AOAH: variants seen among roughly 807,000 people sequenced by gnomAD.
AOAH encodes the protein acyloxyacyl hydrolase, also known as acyloxyacyl hydrolase (neutrophil).
A neutral mutation model predicts 92.2 loss-of-function variants in AOAH; 64 were observed. That is an observed-to-expected ratio of 0.69 (90% confidence interval 0.57 to 0.86). The LOEUF is 0.86. Among genes scored for constraint, AOAH ranks in the 40% least tolerant of loss-of-function variants. The probability of loss-of-function intolerance (pLI) is 0.00; values close to 1 mark genes in which losing one functional copy is unlikely to be tolerated. For synonymous variants in AOAH, 263 were observed against 254.5 expected (o/e 1.03, Z -0.32); for missense variants, 656 against 694.6 (o/e 0.94, Z 0.62).
At chr7:36,704,245 G>A (rs998101210) in intron 1 of AOAH, among the ~76,000 whole-genome samples, 2 of 151,992 alleles carry the variant, frequency 1.3e-5, no homozygotes, top group Admixed American at 6.6e-5. Context: ...GTAGATTCTG[G>A]ATGTTAGCCT....
Position 36,517,940 on chromosome 7 carries a change from CACACCCACACACACA to C in AOAH, c.1599+4084_1599+4098del, listed in dbSNP as rs1783898731. 3.9e-4 allele frequency among the ~76,000 whole-genome samples: 25 copies of C among 64,908 alleles called. 1 individual carries two copies. Among genetic ancestry groups the C allele is most frequent in the Admixed American group, 2.7e-3 (20 of 7,422 alleles). The allele number at this position is 64,908 out of a possible 152,430, so 42.6% of individuals were successfully genotyped here. A position where few individuals can be genotyped will look rare whatever the true frequency, so the allele number is the denominator to read the frequency against. ...GAACACACACACACACCCACACACA[CACACCCACACACACA>C]CACACACACACACACGCACACACAC... is the stretch of plus-strand genomic sequence containing the variant. On this transcript the variant is annotated intron_variant, in intron 20 of 20. Coordinates refer to ENST00000617537, the MANE Select transcript of AOAH (RefSeq NM_001637.4).
intron 2 of AOAH, among the ~76,000 whole-genome samples, chr7:36,683,851 G>T (rs1037169681): frequency 6.6e-6 from 1 of 152,050 alleles, no homozygotes; most frequent in African/African-American, 2.4e-5. Context: ...CAAATTAGCC[G>T]GGTGCGGTGG....
intron 1 of AOAH, 42 bp from the exon 2 acceptor site, chr7:36,686,836 A>T: frequency 7.5e-7 from 1 of 1,337,508 alleles, no homozygotes; most frequent in Non-Finnish European, 1.0e-6. Flanking sequence ...GTCACACAGA[A>T]AACTGAACTG....
intron 13 of AOAH, among the ~76,000 whole-genome samples, chr7:36,569,861 C>T (rs1788009793): frequency 6.6e-6 from 1 of 152,174 alleles, no homozygotes; most frequent in Non-Finnish European, 1.5e-5. Context: ...AATCCACCCA[C>T]CTTGGCCTCC....
At chr7:36,563,147 CAAAAAAAAAAAAAAAAAAAAA>C (rs60240330) in intron 13 of AOAH, among the ~76,000 whole-genome samples, 3 of 36,062 alleles carry the variant, frequency 8.3e-5, no homozygotes, top group Non-Finnish European at 1.1e-4. Flanking sequence ...AACTCCGTCT[CAAAAAAAAAAAAAAAAAAAAA>C]AAAAAAAAAA....
chr7:36,600,655 C>T (rs1014269936), intron 11 of AOAH, among the ~76,000 whole-genome samples: 6 of 151,538 alleles, frequency 4.0e-5, no homozygotes, highest in Non-Finnish European at 7.4e-5. Flanking sequence ...TAGAGCAGGC[C>T]GGGTCAGCAC....
chr7:36,633,590 G>A (rs943505355), intron 5 of AOAH, among the ~76,000 whole-genome samples: 1 of 152,158 alleles, frequency 6.6e-6, no homozygotes, highest in South Asian at 2.1e-4. Context: ...CACCTGGAGG[G>A]AGAATCGGAA....
chr7:36,529,143 G>A (rs1784551230), intron 19 of AOAH, among the ~76,000 whole-genome samples: 1 of 152,056 alleles, frequency 6.6e-6, no homozygotes. Flanking sequence ...CCCATTTCCA[G>A]GGCTGGAAAG....
intron 13 of AOAH, among the ~76,000 whole-genome samples, chr7:36,555,061 C>A (rs1786595019): frequency 6.9e-6 from 1 of 145,660 alleles, no homozygotes; most frequent in South Asian, 2.3e-4. Context: ...CTGTCTTGTG[C>A]CAGTTTTCAA....
chr7:36,569,215 G>A (rs987273294), intron 13 of AOAH, among the ~76,000 whole-genome samples: 2 of 152,092 alleles, frequency 1.3e-5, no homozygotes, highest in African/African-American at 4.8e-5. Flanking sequence ...AAAGAGGTGT[G>A]TATATAAAGG....
chr7:36,606,739 G>GT (rs1791032822), intron 11 of AOAH, among the ~76,000 whole-genome samples: 1 of 151,968 alleles, frequency 6.6e-6, no homozygotes, highest in African/African-American at 2.4e-5. Context: ...AGCAGAGATT[G>GT]TTTTTTCCCT....
chr7:36,631,751 G>A lies in AOAH; in HGVS notation c.521+285C>T, dbSNP rs767911892. 4.6e-5 allele frequency among the ~76,000 whole-genome samples: 7 copies of A among 152,128 alleles called. 1 individual carries two copies. Among genetic ancestry groups the A allele is most frequent in the East Asian group, 1.9e-4 (1 of 5,176 alleles). The stretch of plus-strand genomic sequence containing the variant: ...CCAGGTGTAGTGCAGTGGGCACCTC[G>A]CTGGCAGGCACTTGCCGGCAGTGAG... On this transcript the variant is annotated intron_variant, in intron 6 of 20. Transcript: ENST00000617537.
chr7:36,593,066 G>A (rs552406632), intron 12 of AOAH, among the ~76,000 whole-genome samples: 40 of 152,292 alleles, frequency 2.6e-4, no homozygotes, highest in African/African-American at 8.9e-4. Flanking sequence ...CAAAGGAAGT[G>A]ACTGTTGATC....
At chr7:36,688,724 C>T (rs1175187802) in intron 1 of AOAH, among the ~76,000 whole-genome samples, 1 of 151,852 alleles carries the variant, frequency 6.6e-6, no homozygotes, top group African/African-American at 2.4e-5. Flanking sequence ...GGGGTCTTAC[C>T]ATCTCTAACT....
chr7:36,589,380 C>T (rs567994834), intron 12 of AOAH, among the ~76,000 whole-genome samples: 6 of 152,316 alleles, frequency 3.9e-5, no homozygotes, highest in South Asian at 2.1e-4. Context: ...ATACCATAGG[C>T]TCTATACCCT....
intron 2 of AOAH, among the ~76,000 whole-genome samples, chr7:36,674,247 C>T (rs1482975898): frequency 6.6e-6 from 1 of 152,180 alleles, no homozygotes; most frequent in Non-Finnish European, 1.5e-5. Flanking sequence ...ATTCTAAAAA[C>T]ACAGTTTAAT....
intron 6 of AOAH, among the ~76,000 whole-genome samples, chr7:36,628,063 C>G (rs1176084595): frequency 6.6e-6 from 1 of 151,936 alleles, no homozygotes; most frequent in Non-Finnish European, 1.5e-5. Context: ...AACAGAGAAG[C>G]CATGGAAGGG....
At chr7:36,633,981 A>T (rs956427119) in intron 5 of AOAH, among the ~76,000 whole-genome samples, 1 of 152,084 alleles carries the variant, frequency 6.6e-6, no homozygotes, top group African/African-American at 2.4e-5. Context: ...GCCTCCAGAC[A>T]CTGCCAAATG....
In AOAH at chr7:36,670,498, T is replaced by G. The variant is rs115667296; in HGVS notation, c.290+3445A>C. ...TGCTAGCGAGAATTAGTCTCTTTATTAGAAAGAAAAATGTGATTCGGGCTG... is the reference window on the plus strand; with the variant it reads ...TGCTAGCGAGAATTAGTCTCTTTATGAGAAAGAAAAATGTGATTCGGGCTG... On this transcript the variant is annotated intron_variant, in intron 3 of 20. Coordinates refer to ENST00000617537, the MANE Select transcript of AOAH (RefSeq NM_001637.4). Among the ~76,000 whole-genome samples, 934 of 152,216 alleles carry G rather than the reference T, an allele frequency of 6.1e-3. 10 individuals are homozygous for G. Among genetic ancestry groups the G allele is most frequent in the African/African-American group, 0.021 (869 of 41,526 alleles).
Sources: gnomAD v4.1 joint callset for allele counts (sites outside exome capture counted in the v4.1 genomes callset) on GRCh38, gnomAD v4.1.1 for gene constraint, MANE v1.5 for transcripts, NCBI Gene and HGNC (gene_info 2026-07-23, HGNC 2026-07-21) for gene names.